Variants in ALOX5 observed in about 807,000 individuals in gnomAD.
ALOX5 encodes the protein arachidonate 5-lipoxygenase.
A neutral mutation model predicts 87.9 loss-of-function variants in ALOX5; 64 were observed. That is an observed-to-expected ratio of 0.73 (90% CI 0.60 to 0.90). The LOEUF (loss-of-function observed/expected upper bound fraction) is 0.90, where lower values mean the gene tolerates loss of function less well. Among genes scored for constraint, ALOX5 ranks in the 40% least tolerant of loss-of-function variants. The pLI is 0.00. For missense variants in ALOX5, 822 were observed against 907.5 expected (o/e 0.91, Z 1.21); for synonymous variants, 388 against 355.1 (o/e 1.09, Z -1.04).
chr10:45,389,411 A>G (rs920116688), intron 2 of ALOX5, among the ~76,000 whole-genome samples: 5 of 152,222 alleles, frequency 3.3e-5, no homozygotes, highest in African/African-American at 1.2e-4. Context: ...CAAAGTTGAA[A>G]TGAAGGAAAA....
At chr10:45,419,605 T>C (rs780611143) in intron 4 of ALOX5, among the ~76,000 whole-genome samples, 1 of 152,120 alleles carries the variant, frequency 6.6e-6, no homozygotes, top group African/African-American at 2.4e-5. Flanking sequence ...AGGGAGTGGG[T>C]GCGGAGGCTC....
intron 3 of ALOX5, among the ~76,000 whole-genome samples, chr10:45,401,903 G>A (rs1000789087): frequency 1.3e-5 from 2 of 151,992 alleles, no homozygotes; most frequent in African/African-American, 4.8e-5. Flanking sequence ...TGGCTAACAC[G>A]GTGAAACCCC....
intron 1 of ALOX5, among the ~76,000 whole-genome samples, chr10:45,379,075 G>A (rs1285752585): frequency 1.3e-5 from 2 of 152,142 alleles, no homozygotes; most frequent in African/African-American, 4.8e-5. Flanking sequence ...CCTCAGAGAA[G>A]CTGCTCAGTC....
rs1589048681 is a variant in ALOX5 at position 45,440,785 on chromosome 10, A to G, written c.1185+152A>G. 3.1e-5 allele frequency: 27 copies of G among 859,936 alleles called. No homozygotes were observed. The East Asian group carries it at 7.2e-4, about 23-fold the overall frequency. The allele number at this position is 859,936 out of a possible 1,614,324, so 53.3% of individuals were successfully genotyped here. A position where few individuals can be genotyped will look rare whatever the true frequency, so the allele number is the denominator to read the frequency against. On this transcript the variant is annotated intron_variant, in intron 8 of 13. Coordinates refer to ENST00000374391, the MANE Select transcript of ALOX5 (RefSeq NM_000698.5). ...TGTTCTCAGAGTCAGTAATGCCCCT[A>G]AAGGAAGAAAACAGCTAGGAGCCTG...
rs1022896234 is a variant in ALOX5, at chr10:45,391,652, G to A, written c.350-4203G>A. On this transcript the variant is annotated intron_variant, in intron 2 of 13. Transcript: ENST00000374391. ...CCATCCTGTCTAGGAAGTGAGGAGC[G>A]TCTCTGCCTGGCCGCCCATCGTCTG... is the stretch of plus-strand genomic sequence containing the variant. Among the ~76,000 whole-genome samples, 40 of 151,786 alleles carry A rather than the reference G, an allele frequency of 2.6e-4. 1 individual carries two copies. The Middle Eastern group carries it at 0.014, about 52-fold the overall frequency.
At chr10:45,443,916 C>T (rs967555785) in intron 12 of ALOX5, 88 bp downstream of exon 12, 7 of 1,469,214 alleles carry the variant, frequency 4.8e-6, no homozygotes, top group Admixed American at 2.1e-5. Context: ...GTACTGCACC[C>T]TCGGACAGCC....
intron 2 of ALOX5, among the ~76,000 whole-genome samples, chr10:45,389,343 C>A (rs921594214): frequency 4.2e-5 from 6 of 142,674 alleles, no homozygotes; most frequent in Non-Finnish European, 3.1e-5. Flanking sequence ...ATACAGAGAA[C>A]ACCACAAAGA....
rs1198998788 is a variant in ALOX5, at chr10:45,420,812, G to A, written c.555-3229G>A. Among the ~76,000 whole-genome samples, 3 of 152,284 alleles carry A rather than the reference G, an allele frequency of 2.0e-5. 1 individual carries two copies. In the East Asian group the frequency reaches 5.8e-4, roughly 29 times the overall value. ...TGGTAGCAGAAGGAAAGAGCAGGGA[G>A]ACAGAGGTTAGGTGAACCTCAATGG... is the stretch of plus-strand genomic sequence containing the variant. On this transcript the variant is annotated intron_variant, in intron 4 of 13. Coordinates refer to ENST00000374391, the MANE Select transcript of ALOX5 (RefSeq NM_000698.5).
At chr10:45,409,070 C>T (rs1466683375) in intron 3 of ALOX5, among the ~76,000 whole-genome samples, 1 of 152,238 alleles carries the variant, frequency 6.6e-6, no homozygotes, top group East Asian at 1.9e-4. Context: ...TAGCAAGTAA[C>T]CAAGTCTCAG....
chr10:45,382,801 G>T, intron 2 of ALOX5, 120 bp downstream of exon 2: 2 of 1,221,726 alleles, frequency 1.6e-6, no homozygotes, highest in Non-Finnish European at 2.3e-6. Flanking sequence ...AAGTGGGAGG[G>T]CTCTGCCCTG....
At chr10:45,399,599 T>G (rs187319549) in intron 3 of ALOX5, among the ~76,000 whole-genome samples, 1 of 152,302 alleles carries the variant, frequency 6.6e-6, no homozygotes, top group African/African-American at 2.4e-5. Flanking sequence ...GTCTCTTAGA[T>G]ATGGCACCAA....
At chr10:45,408,578 G>T (rs12253223) in intron 3 of ALOX5, among the ~76,000 whole-genome samples, 2,776 of 152,278 alleles carry the variant, frequency 0.018, 79 homozygotes, top group African/African-American at 0.064. Context: ...ATCTTAAAGA[G>T]TCTGTTCTAA....
At chr10:45,442,804 C>T (rs958890600) in intron 9 of ALOX5, 4 of 537,434 alleles carry the variant, frequency 7.4e-6, no homozygotes, top group African/African-American at 3.8e-5. Flanking sequence ...TACTCTGCAG[C>T]CCCACGGTTC....
chr10:45,428,180 C>T (rs1389397128), intron 6 of ALOX5, among the ~76,000 whole-genome samples: 1 of 139,880 alleles, frequency 7.1e-6, no homozygotes, highest in Admixed American at 7.5e-5. Flanking sequence ...CGCTTCCTGT[C>T]TCTTCCTCCC....
rs368826060 is a variant in ALOX5 at position 45,443,526 on chromosome 10, G to T, written c.1562G>T (p.Arg521Leu). 2 of 1,612,448 alleles carry T rather than the reference G, an allele frequency of 1.2e-6. No individual in the cohort carries two copies. Among genetic ancestry groups the T allele is most frequent in the Non-Finnish European group, 1.7e-6 (2 of 1,179,212 alleles). The part of the protein sequence containing the change: ...NDVYVYGMRG[R>L]KSSGFPKSVK... Reference sequence around the variant, plus strand: ...GTCTACGTGTACGGCATGCGGGGCCGCAAGTCCTCAGGTAGGGCCTCCGGG... The same window carrying T: ...GTCTACGTGTACGGCATGCGGGGCCTCAAGTCCTCAGGTAGGGCCTCCGGG... The change falls in exon 11 of 14, where the codon CGC (arginine) becomes CTC (leucine). Residue 521 changes from arginine (R) to leucine (L), a missense_variant. Physicochemically the swap from Arg to Leu is moderately radical, Grantham distance 102 (BLOSUM62 -2). Transcript: ENST00000374391.
At chr10:45,412,734 C>T (rs917947290) in intron 4 of ALOX5, among the ~76,000 whole-genome samples, 3 of 152,220 alleles carry the variant, frequency 2.0e-5, no homozygotes, top group Admixed American at 6.5e-5. Flanking sequence ...TCCTCCGTCA[C>T]AACCCCACGA....
intron 3 of ALOX5, among the ~76,000 whole-genome samples, chr10:45,397,977 A>G (rs760850852): frequency 1.3e-5 from 2 of 152,234 alleles, no homozygotes; most frequent in Non-Finnish European, 2.9e-5. Flanking sequence ...CTTTGCAGAA[A>G]TTGACAAGCT....
At chr10:45,424,234 C>G in intron 5 of ALOX5, 87 bp downstream of exon 5, 2 of 1,158,624 alleles carry the variant, frequency 1.7e-6, no homozygotes, top group South Asian at 2.6e-5. Context: ...TTGACAAGGG[C>G]CTTCCTGCCT....
In ALOX5 at chr10:45,443,512, C is replaced by A; in HGVS notation, c.1548C>A (p.Tyr516Ter). 1 of 1,612,972 alleles carries A rather than the reference C, an allele frequency of 6.2e-7. No homozygotes were observed. The highest frequency in any genetic ancestry group is 8.5e-7 in the Non-Finnish European group (1 of 1,179,492). ...ACTTCGTGAACGATGTCTACGTGTA[C>A]GGCATGCGGGGCCGCAAGTCCTCAG... ...LQDFVNDVYV[Y>*]GMRGRKSSGF... is the part of the protein sequence containing the mutation. Residue 516 changes from tyrosine to a stop codon, truncating the protein, a stop_gained, in exon 11 of 14, where the codon TAC becomes TAA. Coordinates refer to ENST00000374391, the MANE Select transcript of ALOX5 (RefSeq NM_000698.5). LOFTEE classifies it high-confidence loss of function.
Sources: gnomAD v4.1 joint callset for allele counts (sites outside exome capture counted in the v4.1 genomes callset) on GRCh38, gnomAD v4.1.1 for gene constraint, MANE v1.5 for transcripts, NCBI Gene and HGNC (gene_info 2026-07-23, HGNC 2026-07-21) for gene names.